Variants in TMEM196 observed in about 807,000 individuals in gnomAD.
TMEM196 encodes the protein transmembrane protein 196.
TMEM196 carries 17 observed loss-of-function variants against 20.0 expected under a neutral mutation model. That is an observed-to-expected ratio of 0.85 (90% CI 0.58 to 1.27). TMEM196 has a LOEUF of 1.27. Ranked by LOEUF, TMEM196 falls within the 50% of genes most tolerant of loss-of-function variation. The pLI, the probability that TMEM196 is intolerant of heterozygous loss-of-function variation, is 0.00. For missense variants in TMEM196, 267 were observed against 223.0 expected, an observed-to-expected ratio of 1.20 and a Z score of -1.26; for synonymous variants, 113 against 88.9, an observed-to-expected ratio of 1.27 and a Z score of -1.52.
chr7:19,737,865 C>A (rs1784462431), intron 1 of TMEM196, among the ~76,000 whole-genome samples: 1 of 151,832 alleles, frequency 6.6e-6, no homozygotes, highest in African/African-American at 2.4e-5. Context: ...TGTCAAAACA[C>A]ATAGAACTTT....
intron 1 of TMEM196, among the ~76,000 whole-genome samples, chr7:19,752,090 A>G (rs1785010133): frequency 6.6e-6 from 1 of 152,242 alleles, no homozygotes; most frequent in African/African-American, 2.4e-5. Context: ...TGTTATATTC[A>G]GATTGTGTCG....
chr7:19,743,792 A>G (rs777276194), intron 1 of TMEM196, among the ~76,000 whole-genome samples: 5 of 152,192 alleles, frequency 3.3e-5, no homozygotes, highest in Non-Finnish European at 7.4e-5. Context: ...GTTCAATTTG[A>G]TTTGCCACAG....
intron 1 of TMEM196, among the ~76,000 whole-genome samples, chr7:19,747,280 T>TAAA (rs542868041): frequency 3.5e-4 from 51 of 145,274 alleles, no homozygotes; most frequent in South Asian, 2.6e-3. Context: ...TAAAATAAAA[T>TAAA]AAAAATAAAA....
rs1783798742 is a variant in TMEM196, at chr7:19,721,097, C to T, written c.*1031G>A. ...ATACTACACTATTCAGATCACTCATCTTCATAAATATCACCCACAATGATA... is the reference window on the plus strand; with the variant it reads ...ATACTACACTATTCAGATCACTCATTTTCATAAATATCACCCACAATGATA... On this transcript the variant is annotated 3_prime_UTR_variant, in exon 5 of 5. Coordinates refer to ENST00000405844, the MANE Select transcript of TMEM196 (RefSeq NM_001363562.2). 6.6e-6 allele frequency: 1 copy of T among 151,814 alleles called. No homozygotes were observed. Among genetic ancestry groups the T allele is most frequent in the African/African-American group, 2.4e-5 (1 of 41,400 alleles). The allele number at this position is 151,814 out of a possible 1,614,324, so 9.4% of individuals were successfully genotyped here.
intron 1 of TMEM196, among the ~76,000 whole-genome samples, chr7:19,730,676 A>G (rs7796566): frequency 0.039 from 5,864 of 152,262 alleles, 356 homozygotes; most frequent in African/African-American, 0.13. Flanking sequence ...TTCCAAATAC[A>G]TATCAAAATA....
chr7:19,753,000 A>G (rs533396636), intron 1 of TMEM196, among the ~76,000 whole-genome samples: 2 of 152,276 alleles, frequency 1.3e-5, no homozygotes, highest in African/African-American at 4.8e-5. Context: ...CAATTTGACA[A>G]CTGGTCTACT....
intron 1 of TMEM196, among the ~76,000 whole-genome samples, chr7:19,764,998 C>G (rs571175817): frequency 1.3e-5 from 2 of 152,136 alleles, no homozygotes; most frequent in African/African-American, 2.4e-5. Context: ...CAATATTGCT[C>G]TGACTTAAAG....
At chr7:19,749,705 C>T (rs1342937094) in intron 1 of TMEM196, among the ~76,000 whole-genome samples, 1 of 152,148 alleles carries the variant, frequency 6.6e-6, no homozygotes, top group Admixed American at 6.6e-5. Flanking sequence ...AACAACTTCT[C>T]CAGATTTTTC....
At chr7:19,730,415 GATAA>G (rs1279083811) in intron 1 of TMEM196, among the ~76,000 whole-genome samples, 3 of 152,178 alleles carry the variant, frequency 2.0e-5, no homozygotes, top group East Asian at 1.9e-4. Flanking sequence ...ATCATAAAAT[GATAA>G]ATAGTTTAAT....
intron 1 of TMEM196, among the ~76,000 whole-genome samples, chr7:19,749,780 C>T (rs1784893176): frequency 6.6e-6 from 1 of 152,160 alleles, no homozygotes; most frequent in African/African-American, 2.4e-5. Context: ...ATACACAACA[C>T]TCACAAACAA....
intron 4 of TMEM196, among the ~76,000 whole-genome samples, chr7:19,722,997 T>C (rs940919832): frequency 6.6e-6 from 1 of 152,098 alleles, no homozygotes; most frequent in Non-Finnish European, 1.5e-5. Context: ...CTTTCCATGC[T>C]TGAACAAGCC....
rs143376042 is a variant in TMEM196, at chr7:19,737,970, G to A, written c.148-8532C>T. 3.4e-3 allele frequency among the ~76,000 whole-genome samples: 521 copies of A among 151,988 alleles called. 2 individuals carry two copies. The highest frequency in any genetic ancestry group is 0.011 in the African/African-American group (455 of 41,492). On this transcript the variant is annotated intron_variant, in intron 1 of 4. Transcript: ENST00000405844. Reference sequence around the variant, plus strand: ...GGGTTAGGGAATCCCAGAATAAAATGTAGAATGTAACCATACTATATAACT... The same window carrying A: ...GGGTTAGGGAATCCCAGAATAAAATATAGAATGTAACCATACTATATAACT...
At chr7:19,722,228 T>A in intron 4 of TMEM196, 94 bp from the exon 5 acceptor site, 1 of 1,049,210 alleles carries the variant, frequency 9.5e-7, no homozygotes, top group Non-Finnish European at 1.4e-6. Flanking sequence ...TTCAATCCAT[T>A]GAAAAACTTG....
chr7:19,737,043 A>G (rs2093365002), intron 1 of TMEM196, among the ~76,000 whole-genome samples: 1 of 152,034 alleles, frequency 6.6e-6, no homozygotes, highest in African/African-American at 2.4e-5. Flanking sequence ...GGCAAAAGAA[A>G]GGCACCTATA....
chr7:19,725,297 GT>G (rs1329652593), intron 3 of TMEM196, among the ~76,000 whole-genome samples: 1 of 152,142 alleles, frequency 6.6e-6, no homozygotes, highest in East Asian at 1.9e-4. Context: ...TAAGCACTGT[GT>G]TTTTGAATAG....
At chr7:19,726,049 A>C (rs979988157) in intron 2 of TMEM196, among the ~76,000 whole-genome samples, 1 of 152,216 alleles carries the variant, frequency 6.6e-6, no homozygotes, top group Non-Finnish European at 1.5e-5. Flanking sequence ...AAAACTCTGA[A>C]GCAAACAAAA....
rs1206424472 is a variant in TMEM196 at position 19,724,363 on chromosome 7, A to G, written c.460-10T>C. 1.3e-6 allele frequency: 2 copies of G among 1,549,864 alleles called. No homozygotes were observed. The highest frequency in any genetic ancestry group is 1.2e-5 in the South Asian group (1 of 84,040). On this transcript the variant is annotated splice_polypyrimidine_tract_variant and intron_variant, in intron 3 of 4. Transcript: ENST00000405844. ...CAATAGCCCTCAATCTCTAATGTAA[A>G]TATAACAATCATACAATAAATATTG... is the stretch of plus-strand genomic sequence containing the variant.
At position 19,720,285 on chromosome 7, in the gene TMEM196, A is replaced by G. The variant is rs184432885; in HGVS notation, c.*1843T>C. 1 of 152,154 alleles carries G rather than the reference A, an allele frequency of 6.6e-6. No homozygotes were observed. The highest frequency in any genetic ancestry group is 2.4e-5 in the African/African-American group (1 of 41,570). 9.4% of individuals were successfully genotyped at this position (152,154 alleles called of 1,614,324 possible). A position where few individuals can be genotyped will look rare whatever the true frequency, so the allele number is the denominator to read the frequency against. On this transcript the variant is annotated 3_prime_UTR_variant, in exon 5 of 5. Coordinates refer to ENST00000405844, the MANE Select transcript of TMEM196 (RefSeq NM_001363562.2). ...AGCAGAGTCCAGTTATTTCTGTTGA[A>G]TAGATGACAGCCAGAATTTTAAGTG...
chr7:19,762,206 G>A (rs973215068), intron 1 of TMEM196, among the ~76,000 whole-genome samples: 1 of 151,624 alleles, frequency 6.6e-6, no homozygotes. Context: ...ATTCACATAG[G>A]CTCTTAAAAC....
Sources: gnomAD v4.1 joint callset for allele counts (sites outside exome capture counted in the v4.1 genomes callset) on GRCh38, gnomAD v4.1.1 for gene constraint, MANE v1.5 for transcripts, NCBI Gene and HGNC (gene_info 2026-07-23, HGNC 2026-07-21) for gene names.